Variants in ESRP1 observed in about 807,000 individuals in gnomAD.
ESRP1 encodes epithelial splicing regulatory protein 1.
Under a neutral mutation model 81.7 loss-of-function variants are expected in ESRP1, and 33 were observed. The observed-to-expected ratio is 0.40, with a 90% CI of 0.31 to 0.54. The LOEUF is 0.54. ESRP1 is among the 20% of genes least tolerant of loss of function. ESRP1 has a pLI of 0.41. For synonymous variants in ESRP1, 320 were observed against 303.3 expected, an observed-to-expected ratio of 1.06 and a Z score of -0.57; for missense variants, 672 against 833.1, an observed-to-expected ratio of 0.81 and a Z score of 2.38.
chr8:94,659,265 C>T (rs1411428757), intron 4 of ESRP1, among the ~76,000 whole-genome samples: 2 of 152,204 alleles, frequency 1.3e-5, no homozygotes, highest in African/African-American at 2.4e-5. Flanking sequence ...ATTTTTCCAA[C>T]AACATTTGCT....
intron 12 of ESRP1, 41 bp from the exon 13 acceptor site, chr8:94,678,162 G>A: frequency 6.2e-7 from 1 of 1,605,642 alleles, no homozygotes; most frequent in African/African-American, 1.3e-5. Flanking sequence ...CATGTCAGCT[G>A]TTACAAATAT....
At chr8:94,668,879 G>A (rs1308197436) in intron 10 of ESRP1, among the ~76,000 whole-genome samples, 2 of 151,142 alleles carry the variant, frequency 1.3e-5, no homozygotes, top group East Asian at 2.0e-4. Flanking sequence ...TGCAACCTCC[G>A]CCTACCCCAG....
In ESRP1 at chr8:94,644,083, CAG is replaced by C. The variant is rs1294797081; in HGVS notation, c.375+674_375+675del. On this transcript the variant is annotated intron_variant, in intron 3 of 15. Coordinates refer to ENST00000433389, the MANE Select transcript of ESRP1 (RefSeq NM_017697.4). ...CTTTTACCTTTGCTCATTTTTCTGA[CAG>C]AGAGAGGATTACAGAGTGAGAGAAA... 5.9e-5 allele frequency among the ~76,000 whole-genome samples: 9 copies of C among 152,178 alleles called. No individual in the cohort carries two copies. In the East Asian group the frequency reaches 1.2e-3, roughly 20 times the overall value.
intron 13 of ESRP1, among the ~76,000 whole-genome samples, chr8:94,680,871 C>G (rs776556144): frequency 2.0e-5 from 3 of 152,082 alleles, no homozygotes; most frequent in Non-Finnish European, 4.4e-5. Context: ...TATTATTAAT[C>G]AGAAGCTCTT....
In ESRP1 at chr8:94,696,757, C is replaced by G. The variant is rs959283422; in HGVS notation, c.1972-95C>G. ...GTTTGTTTCCTCCTATCTAAATGTCCTATACTTTTGTTGGTAGATCTATTT... is the reference window on the plus strand; with the variant it reads ...GTTTGTTTCCTCCTATCTAAATGTCGTATACTTTTGTTGGTAGATCTATTT... On this transcript the variant is annotated intron_variant, in intron 14 of 15. Transcript: ENST00000433389. 6 of 918,168 alleles carry G rather than the reference C, an allele frequency of 6.5e-6. No individual in the cohort carries two copies. In the African/African-American group the frequency reaches 1.0e-4, roughly 15 times the overall value. 56.9% of individuals were successfully genotyped at this position (918,168 alleles called of 1,614,324 possible).
intron 13 of ESRP1, chr8:94,688,376 G>T: frequency 3.6e-6 from 1 of 277,332 alleles, no homozygotes; most frequent in South Asian, 4.6e-5. Flanking sequence ...TGGCGAATTT[G>T]AAGTCATTTG....
chr8:94,645,370 T>A (rs1002231009), intron 3 of ESRP1, among the ~76,000 whole-genome samples: 4 of 152,110 alleles, frequency 2.6e-5, no homozygotes, highest in African/African-American at 9.7e-5. Flanking sequence ...AAAATCTGAA[T>A]TGAGTTTTTA....
intron 14 of ESRP1, among the ~76,000 whole-genome samples, chr8:94,695,755 A>G (rs2130725372): frequency 6.8e-6 from 1 of 146,300 alleles, no homozygotes; most frequent in African/African-American, 2.8e-5. Flanking sequence ...AACCTTTAAC[A>G]AAATTTCTTA....
At chr8:94,649,648 TATTACA>T (rs1390219228) in intron 4 of ESRP1, 1 of 152,158 alleles carries the variant, frequency 6.6e-6, no homozygotes, top group Non-Finnish European at 1.5e-5. Flanking sequence ...AGGTAGCTGG[TATTACA>T]GGCGCCCGCC....
chr8:94,682,906 A>ATT (rs1808959918), intron 13 of ESRP1, among the ~76,000 whole-genome samples: 4 of 16,104 alleles, frequency 2.5e-4, no homozygotes, highest in African/African-American at 1.1e-3. Flanking sequence ...TCATTATTTT[A>ATT]TATATATATA....
At chr8:94,689,810 G>GTTTTTTTTTTTTTTT (rs1563545236) in intron 13 of ESRP1, among the ~76,000 whole-genome samples, 2 of 55,324 alleles carry the variant, frequency 3.6e-5, no homozygotes, top group South Asian at 7.3e-4. Flanking sequence ...ATGATGCCTG[G>GTTTTTTTTTTTTTTT]CTTTTTTTTT....
At chr8:94,667,436 A>T (rs994789825) in intron 9 of ESRP1, among the ~76,000 whole-genome samples, 1 of 14,214 alleles carries the variant, frequency 7.0e-5, no homozygotes, top group African/African-American at 1.5e-4. Context: ...TTTCTTAATT[A>T]AAAAAAAAAA....
intron 14 of ESRP1, among the ~76,000 whole-genome samples, chr8:94,696,340 TTTCTC>T (rs1416242319): frequency 6.6e-6 from 1 of 152,240 alleles, no homozygotes; most frequent in Admixed American, 6.5e-5. Flanking sequence ...CTAGTTTTTG[TTTCTC>T]TTCAAGTACT....
At chr8:94,646,334 A>AAAAT (rs57602858) in intron 4 of ESRP1, 52 bp downstream of exon 4, 851,363 of 1,248,522 alleles carry the variant, frequency 0.68, 298,448 homozygotes, top group South Asian at 0.81. Context: ...GTTCCAGAAA[A>AAAAT]GGTAATTCAA....
At chr8:94,666,495 G>T (rs1819023079) in intron 9 of ESRP1, among the ~76,000 whole-genome samples, 1 of 152,204 alleles carries the variant, frequency 6.6e-6, no homozygotes, top group Admixed American at 6.5e-5. Context: ...CTGAATCAAA[G>T]AATTTTGGAC....
intron 4 of ESRP1, among the ~76,000 whole-genome samples, chr8:94,650,234 G>C (rs1232878250): frequency 1.4e-5 from 2 of 147,862 alleles, no homozygotes; most frequent in Non-Finnish European, 3.0e-5. Context: ...TGTAGCAATA[G>C]CATAGTATAG....
chr8:94,679,010 A>AT (rs1182569007), intron 13 of ESRP1, among the ~76,000 whole-genome samples: 1 of 152,202 alleles, frequency 6.6e-6, no homozygotes, highest in Non-Finnish European at 1.5e-5. Flanking sequence ...TAGAAGAAAT[A>AT]TTTGGAGTAC....
intron 13 of ESRP1, among the ~76,000 whole-genome samples, chr8:94,682,648 T>G (rs879654506): frequency 0.31 from 46,979 of 151,350 alleles, 8,700 homozygotes; most frequent in East Asian, 0.56. Context: ...ATTACAGGTG[T>G]GAGCCACCAT....
chr8:94,706,169 G>C lies in ESRP1; in HGVS notation c.*280G>C. 1 of 508,026 alleles carries C rather than the reference G, an allele frequency of 2.0e-6. No homozygotes were observed. Among genetic ancestry groups the C allele is most frequent in the Non-Finnish European group, 3.5e-6 (1 of 289,416 alleles). 31.5% of individuals were successfully genotyped at this position (508,026 alleles called of 1,614,324 possible). ...GATTGCAAATAGGCATTTAAAATGT[G>C]AATTTGGAATCAGATGTCTCCATTA... On this transcript the variant is annotated 3_prime_UTR_variant, in exon 16 of 16. Transcript: ENST00000433389.
Sources: gnomAD v4.1 joint callset for allele counts (sites outside exome capture counted in the v4.1 genomes callset) on GRCh38, gnomAD v4.1.1 for gene constraint, MANE v1.5 for transcripts, NCBI Gene and HGNC (gene_info 2026-07-23, HGNC 2026-07-21) for gene names.